Variants in KIF13B observed in about 807,000 individuals in gnomAD.
KIF13B encodes kinesin family member 13B.
A neutral mutation model predicts 222.0 loss-of-function variants in KIF13B; 127 were observed. The ratio of observed to expected loss-of-function variants is 0.57; its 90% CI spans 0.50 to 0.66. The LOEUF (loss-of-function observed/expected upper bound fraction) is 0.66, where lower values mean the gene tolerates loss of function less well. Among genes scored for constraint, KIF13B ranks in the 30% least tolerant of loss-of-function variants. The pLI is 0.00. For synonymous variants in KIF13B, 976 were observed against 919.0 expected (o/e 1.06, Z -1.12); for missense variants, 2,173 against 2,379.0 (o/e 0.91, Z 1.80).
At chr8:29,220,179 T>C (rs1188064673) in intron 2 of KIF13B, among the ~76,000 whole-genome samples, 1 of 152,202 alleles carries the variant, frequency 6.6e-6, no homozygotes, top group Non-Finnish European at 1.5e-5. Context: ...AGAAAAAAAC[T>C]GAAATGTAAG....
intron 12 of KIF13B, among the ~76,000 whole-genome samples, chr8:29,161,566 G>A (rs576495665): frequency 6.6e-6 from 1 of 152,138 alleles, no homozygotes; most frequent in African/African-American, 2.4e-5. Flanking sequence ...TGTGGCAGCA[G>A]GTGCCTGTAA....
chr8:29,172,091 T>TC (rs1257014919), intron 10 of KIF13B, among the ~76,000 whole-genome samples: 1 of 145,218 alleles, frequency 6.9e-6, no homozygotes, highest in Non-Finnish European at 1.5e-5. Flanking sequence ...TCTTTTTTTT[T>TC]TTTTTTTGAG....
chr8:29,247,070 T>G (rs1455339186), intron 1 of KIF13B, among the ~76,000 whole-genome samples: 2 of 152,046 alleles, frequency 1.3e-5, no homozygotes, highest in Admixed American at 1.3e-4. Flanking sequence ...AACAACAAGA[T>G]AAACTGGACC....
At chr8:29,076,699 G>A (rs529806130) in intron 37 of KIF13B, among the ~76,000 whole-genome samples, 3 of 152,344 alleles carry the variant, frequency 2.0e-5, no homozygotes, top group African/African-American at 7.2e-5. Context: ...GCTGCTTTTG[G>A]AAGAAAAGTA....
At chr8:29,247,374 A>G (rs541592506) in intron 1 of KIF13B, among the ~76,000 whole-genome samples, 1 of 152,302 alleles carries the variant, frequency 6.6e-6, no homozygotes, top group South Asian at 2.1e-4. Context: ...GGCAAAAGAG[A>G]TCTGTCTCTA....
chr8:29,108,011 G>A (rs1345025439), intron 35 of KIF13B, 128 bp downstream of exon 35: 3 of 720,808 alleles, frequency 4.2e-6, no homozygotes. Flanking sequence ...ACACTTTCAA[G>A]TAAGTTTCAC....
intron 32 of KIF13B, 62 bp from the exon 33 acceptor site, chr8:29,110,132 C>A: frequency 7.6e-7 from 1 of 1,323,166 alleles, no homozygotes. Flanking sequence ...CACGTACACG[C>A]GTGCACACAC....
chr8:29,173,621 A>C (rs1471635743), intron 10 of KIF13B, among the ~76,000 whole-genome samples: 1 of 119,376 alleles, frequency 8.4e-6, no homozygotes, highest in African/African-American at 2.7e-5. Context: ...CCCTGTCTCC[A>C]AAAAAAAAAA....
chr8:29,134,306 G>T (rs1810468741), intron 21 of KIF13B, 96 bp from the exon 22 acceptor site: 1 of 1,159,880 alleles, frequency 8.6e-7, no homozygotes, highest in Non-Finnish European at 1.2e-6. Context: ...ACTAACTTAG[G>T]TGCTTATGAT....
rs561724911 is a variant in KIF13B at position 29,068,878 on chromosome 8, G to A, written c.*1626C>T. 6 of 152,416 alleles carry A rather than the reference G, an allele frequency of 3.9e-5. No homozygotes were observed. The highest frequency in any genetic ancestry group is 1.9e-4 in the East Asian group (1 of 5,174). 9.4% of individuals were successfully genotyped at this position (152,416 alleles called of 1,614,324 possible). The stretch of plus-strand genomic sequence containing the variant: ...GGTGCCACAGGGTTCCCTCAAAATC[G>A]GCTAAGGACAGGGAGAGCCCTGGAG... On this transcript the variant is annotated 3_prime_UTR_variant, in exon 40 of 40. Transcript: ENST00000524189. The surrounding 1 kb of genome is among the most constrained non-coding windows in gnomAD (Gnocchi z 4.4).
intron 1 of KIF13B, among the ~76,000 whole-genome samples, chr8:29,262,514 C>A (rs578206173): frequency 2.6e-5 from 4 of 151,990 alleles, no homozygotes; most frequent in South Asian, 4.1e-4. Context: ...TTGGGCGACC[C>A]GGGCGAGACG....
At chr8:29,246,615 A>C (rs7846056) in intron 1 of KIF13B, among the ~76,000 whole-genome samples, 45,973 of 151,966 alleles carry the variant, frequency 0.3, 9,171 homozygotes, top group East Asian at 0.64. Flanking sequence ...GTCTGACAAT[A>C]CATACAGAAA....
At chr8:29,139,779 T>A (rs571884483) in intron 21 of KIF13B, among the ~76,000 whole-genome samples, 1 of 144,958 alleles carries the variant, frequency 6.9e-6, no homozygotes, top group South Asian at 2.2e-4. Flanking sequence ...CTTCTTTTTA[T>A]AAGAACTGTT....
intron 3 of KIF13B, among the ~76,000 whole-genome samples, chr8:29,193,715 C>T (rs1199121547): frequency 1.3e-5 from 2 of 152,198 alleles, no homozygotes; most frequent in East Asian, 1.9e-4. Context: ...TGCATAAAAC[C>T]CACACATATC....
At chr8:29,075,241 G>T in intron 38 of KIF13B, 40 bp downstream of exon 38, 2 of 1,514,336 alleles carry the variant, frequency 1.3e-6, no homozygotes, top group Non-Finnish European at 1.8e-6. Flanking sequence ...CCACCTGCTC[G>T]CTGTAGGTGG....
intron 2 of KIF13B, among the ~76,000 whole-genome samples, chr8:29,236,209 C>T (rs534342266): frequency 6.6e-6 from 1 of 152,320 alleles, no homozygotes; most frequent in Admixed American, 6.5e-5. Flanking sequence ...CTCCTCCTCA[C>T]ACCTATTTTA....
At chr8:29,144,483 C>A (rs1047486787) in intron 18 of KIF13B, among the ~76,000 whole-genome samples, 1 of 152,132 alleles carries the variant, frequency 6.6e-6, no homozygotes, top group Middle Eastern at 3.2e-3. Flanking sequence ...GTCTCGAACT[C>A]CTGACCTCAG....
At chr8:29,138,046 C>T (rs1339282878) in intron 21 of KIF13B, among the ~76,000 whole-genome samples, 2 of 152,136 alleles carry the variant, frequency 1.3e-5, no homozygotes, top group Non-Finnish European at 2.9e-5. Flanking sequence ...TTTGGAAAAC[C>T]AATTCATTAT....
At chr8:29,141,859 G>C (rs1196430043) in intron 19 of KIF13B, among the ~76,000 whole-genome samples, 2 of 152,148 alleles carry the variant, frequency 1.3e-5, no homozygotes, top group Non-Finnish European at 2.9e-5. Flanking sequence ...GTCCTAAAGA[G>C]GTTCCCAGAG....
Sources: allele counts gnomAD v4.1 joint callset (sites outside exome capture counted in the v4.1 genomes callset), GRCh38; gene constraint gnomAD v4.1.1; non-coding constraint Gnocchi (gnomAD v3.1); transcripts MANE v1.5; gene names NCBI Gene and HGNC (gene_info 2026-07-23, HGNC 2026-07-21).